CTNNA2: variants seen among roughly 807,000 people sequenced by gnomAD.
CTNNA2 encodes catenin alpha-2.
CTNNA2 carries 42 observed loss-of-function variants against 101.0 expected under a neutral mutation model. That is an observed-to-expected ratio of 0.42 (90% CI 0.32 to 0.54). CTNNA2 has a LOEUF of 0.54. Among genes scored for constraint, CTNNA2 ranks in the 20% least tolerant of loss-of-function variants. The probability of loss-of-function intolerance (pLI) is 0.14; values close to 1 mark genes in which losing one functional copy is unlikely to be tolerated. For missense variants in CTNNA2, 871 were observed against 1,223.1 expected (o/e 0.71, Z 4.29); for synonymous variants, 450 against 456.4 (o/e 0.99, Z 0.18).
intron 7 of CTNNA2, among the ~76,000 whole-genome samples, chr2:79,984,526 G>A (rs1220594952): frequency 6.6e-6 from 1 of 152,098 alleles, no homozygotes; most frequent in Non-Finnish European, 1.5e-5. Flanking sequence ...AGTTACCTTT[G>A]TGCTGATCTA....
At chr2:80,424,867 G>T (rs1680857394) in intron 9 of CTNNA2, among the ~76,000 whole-genome samples, 2 of 152,118 alleles carry the variant, frequency 1.3e-5, no homozygotes, top group East Asian at 3.9e-4. Flanking sequence ...GGAAAAACTG[G>T]GGATGAAGCT....
chr2:80,107,105 A>G (rs959079160), intron 7 of CTNNA2, among the ~76,000 whole-genome samples: 3 of 152,182 alleles, frequency 2.0e-5, no homozygotes, highest in African/African-American at 7.2e-5. Flanking sequence ...CTAGGCAGAC[A>G]GGGCAGGTCC....
chr2:79,267,516 G>A (rs539387714), intron 2 of CTNNA2, among the ~76,000 whole-genome samples: 1 of 152,268 alleles, frequency 6.6e-6, no homozygotes, highest in Non-Finnish European at 1.5e-5. Flanking sequence ...CATCAGGTTA[G>A]TAATTAGGTT....
intron 7 of CTNNA2, among the ~76,000 whole-genome samples, chr2:80,066,960 A>G (rs902764776): frequency 6.6e-6 from 1 of 152,220 alleles, no homozygotes; most frequent in African/African-American, 2.4e-5. Flanking sequence ...TCTGGAGAAC[A>G]GTATGTTAAG....
At chr2:80,449,078 C>T (rs1027005653) in intron 9 of CTNNA2, among the ~76,000 whole-genome samples, 1 of 152,028 alleles carries the variant, frequency 6.6e-6, no homozygotes, top group Non-Finnish European at 1.5e-5. Flanking sequence ...ATTAGCTACC[C>T]ACAATCAGTA....
At chr2:79,594,023 G>T (rs1281146016) in intron 1 of CTNNA2, among the ~76,000 whole-genome samples, 2 of 150,776 alleles carry the variant, frequency 1.3e-5, no homozygotes, top group Non-Finnish European at 3.0e-5. Flanking sequence ...CAACTAGCTG[G>T]GATTATAGGC....
intron 17 of CTNNA2, among the ~76,000 whole-genome samples, chr2:80,614,450 C>A (rs1007743133): frequency 6.6e-6 from 1 of 151,266 alleles, no homozygotes; most frequent in African/African-American, 2.4e-5. Flanking sequence ...AATACTATGC[C>A]ATTTTATATC....
chr2:80,516,518 C>A (rs1394165760), intron 9 of CTNNA2, among the ~76,000 whole-genome samples: 1 of 152,170 alleles, frequency 6.6e-6, no homozygotes, highest in Non-Finnish European at 1.5e-5. Flanking sequence ...CCAAGATTAA[C>A]TCTGGCTGAG....
At chr2:79,776,540 A>G (rs558984576) in intron 3 of CTNNA2, among the ~76,000 whole-genome samples, 2 of 152,332 alleles carry the variant, frequency 1.3e-5, no homozygotes, top group South Asian at 4.1e-4. Flanking sequence ...AGAGACCATG[A>G]ACTACTCAAC....
At chr2:79,996,229 T>C (rs1052859616) in intron 7 of CTNNA2, among the ~76,000 whole-genome samples, 2 of 152,208 alleles carry the variant, frequency 1.3e-5, no homozygotes, top group African/African-American at 4.8e-5. Context: ...CCACATAAAA[T>C]CATTTTTGCA....
chr2:79,431,934 C>G (rs1678663284), intron 4 of CTNNA2, among the ~76,000 whole-genome samples: 1 of 152,044 alleles, frequency 6.6e-6, no homozygotes, highest in South Asian at 2.1e-4. Context: ...ATAAAATCTC[C>G]CATGAGGAAA....
chr2:79,854,333 G>A (rs745787895), intron 3 of CTNNA2, among the ~76,000 whole-genome samples: 9 of 152,294 alleles, frequency 5.9e-5, no homozygotes, highest in South Asian at 2.1e-4. Context: ...ATGATCACCC[G>A]TTATGGGTAA....
intron 7 of CTNNA2, among the ~76,000 whole-genome samples, chr2:80,260,850 A>G (rs558073233): frequency 6.6e-4 from 101 of 152,336 alleles, no homozygotes; most frequent in Non-Finnish European, 1.1e-3. Context: ...TTGAGGATGT[A>G]TTCTTTGAGT....
At chr2:80,294,576 C>T (rs976631634) in intron 7 of CTNNA2, among the ~76,000 whole-genome samples, 2 of 152,052 alleles carry the variant, frequency 1.3e-5, no homozygotes, top group Non-Finnish European at 2.9e-5. Context: ...TGTGAGTAGG[C>T]AACCCGCTAG....
chr2:80,091,036 G>T (rs1699762494), intron 7 of CTNNA2, among the ~76,000 whole-genome samples: 1 of 152,062 alleles, frequency 6.6e-6, no homozygotes, highest in South Asian at 2.1e-4. Flanking sequence ...ATTTGGAATT[G>T]TATTAACATA....
chr2:79,270,493 G>A (rs1675055630), intron 2 of CTNNA2, among the ~76,000 whole-genome samples: 1 of 152,038 alleles, frequency 6.6e-6, no homozygotes, highest in South Asian at 2.1e-4. Flanking sequence ...CCTGCTTCAG[G>A]CCACACACTG....
intron 4 of CTNNA2, among the ~76,000 whole-genome samples, chr2:79,479,801 T>C (rs1408743703): frequency 1.3e-5 from 2 of 151,942 alleles, no homozygotes; most frequent in Non-Finnish European, 2.9e-5. Flanking sequence ...TGGGCACCTG[T>C]AATCTCAGCT....
intron 2 of CTNNA2, among the ~76,000 whole-genome samples, chr2:79,220,170 G>T (rs1674323455): frequency 6.6e-6 from 1 of 151,522 alleles, no homozygotes; most frequent in South Asian, 2.1e-4. Flanking sequence ...ATGTATGTGT[G>T]TGTGTGTATA....
chr2:79,313,172 G>C (rs779927674), intron 3 of CTNNA2, among the ~76,000 whole-genome samples: 1 of 152,178 alleles, frequency 6.6e-6, no homozygotes, highest in Non-Finnish European at 1.5e-5. Flanking sequence ...TATAGTTGGA[G>C]TTGGGAACAG....
Sources: gnomAD v4.1 joint callset for allele counts (sites outside exome capture counted in the v4.1 genomes callset) on GRCh38, gnomAD v4.1.1 for gene constraint, MANE v1.5 for transcripts, NCBI Gene and HGNC (gene_info 2026-07-23, HGNC 2026-07-21) for gene names.